Variants in C2CD2 observed in about 807,000 individuals in gnomAD.
The protein encoded by C2CD2 is C2 domain-containing protein 2.
In C2CD2, 43 loss-of-function variants were observed where a neutral mutation model predicts 74.3. The ratio of observed to expected loss-of-function variants is 0.58; its 90% confidence interval spans 0.45 to 0.75. The LOEUF is 0.75. C2CD2 is among the 30% of genes least tolerant of loss of function. C2CD2 has a pLI of 0.00. For synonymous variants in C2CD2, 422 were observed against 390.7 expected (o/e 1.08, Z -0.94); for missense variants, 801 against 916.3 (o/e 0.87, Z 1.63).
At chr21:41,931,459 T>C (rs894542532) in intron 2 of C2CD2, among the ~76,000 whole-genome samples, 1 of 144,618 alleles carries the variant, frequency 6.9e-6, no homozygotes, top group African/African-American at 2.5e-5. Flanking sequence ...AGTCTTGCTC[T>C]GTCGCCAGGC....
intron 10 of C2CD2, among the ~76,000 whole-genome samples, chr21:41,906,042 C>T (rs2064958859): frequency 6.6e-6 from 1 of 152,160 alleles, no homozygotes; most frequent in African/African-American, 2.4e-5. Flanking sequence ...AACATTTTAA[C>T]TAAGCCAGAA....
intron 11 of C2CD2, among the ~76,000 whole-genome samples, chr21:41,905,377 G>A (rs1286060787): frequency 6.7e-6 from 1 of 148,950 alleles, no homozygotes; most frequent in Non-Finnish European, 1.5e-5. Flanking sequence ...GAGTGCAGTG[G>A]TGCAATCTCG....
Position 41,953,699 on chromosome 21 carries a change from G to T in C2CD2, c.-51C>A. ...CAACTTCCCCGGCAGCCCCGGGCCG[G>T]AACGGCGGACTCAGGACACGCGCTG... On this transcript the variant is annotated 5_prime_UTR_variant, in exon 1 of 14. Transcript: ENST00000380486. 1 of 1,333,336 alleles carries T rather than the reference G, an allele frequency of 7.5e-7. No individual in the cohort carries two copies. The highest frequency in any genetic ancestry group is 1.9e-5 in the South Asian group (1 of 53,904). 82.6% of individuals were successfully genotyped at this position (1,333,336 alleles called of 1,614,324 possible).
At position 41,937,904 on chromosome 21, in the gene C2CD2, T is replaced by A. The variant is rs570952808; in HGVS notation, c.378+4243A>T. Among the ~76,000 whole-genome samples, 398 of 152,302 alleles carry A rather than the reference T, an allele frequency of 2.6e-3. 2 individuals are homozygous for A. The highest frequency in any genetic ancestry group is 0.013 in the South Asian group (61 of 4,824). The stretch of plus-strand genomic sequence containing the variant: ...ACTTACAAGTAGAATCTTAAAAAGT[T>A]AAACTCAAAGAAACCAAGAGCAGAA... On this transcript the variant is annotated intron_variant, in intron 2 of 13. Coordinates refer to ENST00000380486, the MANE Select transcript of C2CD2 (RefSeq NM_015500.2).
intron 12 of C2CD2, among the ~76,000 whole-genome samples, chr21:41,900,046 T>G (rs1467318080): frequency 6.6e-6 from 1 of 152,010 alleles, no homozygotes; most frequent in Admixed American, 6.5e-5. Flanking sequence ...CTGTTCTGAC[T>G]TAAGTGCCAG....
At chr21:41,896,973 G>A (rs898322668) in intron 13 of C2CD2, among the ~76,000 whole-genome samples, 1 of 152,212 alleles carries the variant, frequency 6.6e-6, no homozygotes, top group African/African-American at 2.4e-5. Flanking sequence ...GAAACGCACG[G>A]CACGGCTGAG....
intron 2 of C2CD2, among the ~76,000 whole-genome samples, chr21:41,927,099 T>C (rs905464125): frequency 1.2e-4 from 19 of 152,222 alleles, no homozygotes; most frequent in African/African-American, 4.3e-4. Flanking sequence ...AGCTAAAGAT[T>C]ATCCCAACAT....
chr21:41,895,608 G>GA lies in C2CD2; in HGVS notation c.1870+3444dup, dbSNP rs1443430618. Among the ~76,000 whole-genome samples, 2 of 152,136 alleles carry GA rather than the reference G, an allele frequency of 1.3e-5. No individual in the cohort carries two copies. Among genetic ancestry groups the GA allele is most frequent in the African/African-American group, 4.8e-5 (2 of 41,418 alleles). On this transcript the variant is annotated intron_variant, in intron 13 of 13. Transcript: ENST00000380486. This position sits in a 1 kb window ranked among gnomAD's most constrained non-coding sequence, Gnocchi z 5.0. Reference sequence around the variant, plus strand: ...TTTAAATGGGAGACAGGGAGAAGAAGAAAAGTCTTTCCCTGGTTCTAACAA... The same window carrying GA: ...TTTAAATGGGAGACAGGGAGAAGAAGAAAAAGTCTTTCCCTGGTTCTAACAA...
intron 3 of C2CD2, 88 bp from the exon 4 acceptor site, chr21:41,919,048 G>C (rs982112934): frequency 1.3e-6 from 1 of 757,060 alleles, no homozygotes; most frequent in Non-Finnish European, 2.2e-6. Flanking sequence ...GTGAGCATGT[G>C]TGTGTGCATA....
At chr21:41,919,642 T>G (rs796100747) in intron 3 of C2CD2, among the ~76,000 whole-genome samples, 3 of 152,290 alleles carry the variant, frequency 2.0e-5, no homozygotes, top group African/African-American at 7.2e-5. Flanking sequence ...TGCCCCACAC[T>G]CAAACAGCCC....
In C2CD2 at chr21:41,895,076, T is replaced by C. The variant is rs2064807022; in HGVS notation, c.1870+3977A>G. ...GGATAACAACTCCAGCCAGTGGACT[T>C]TAAGGAAAGGAGATTATCCTGGAGA... On this transcript the variant is annotated intron_variant, in intron 13 of 13. Transcript: ENST00000380486. The surrounding 1 kb of genome is among the most constrained non-coding windows in gnomAD (Gnocchi z 5.0). 2.4e-6 allele frequency: 1 copy of C among 409,194 alleles called. No homozygotes were observed. Among genetic ancestry groups the C allele is most frequent in the African/African-American group, 2.0e-5 (1 of 49,114 alleles). 25.3% of individuals were successfully genotyped at this position (409,194 alleles called of 1,614,324 possible).
chr21:41,924,230 G>T lies in C2CD2; in HGVS notation c.379-2145C>A, dbSNP rs375913748. ...TGTACTTTCTCATCTGCTGGCTCCTGGCCGCAGCCAAGCCCTGGGTCCAGC... is the reference window on the plus strand; with the variant it reads ...TGTACTTTCTCATCTGCTGGCTCCTTGCCGCAGCCAAGCCCTGGGTCCAGC... On this transcript the variant is annotated intron_variant, in intron 2 of 13. Transcript: ENST00000380486. The surrounding 1 kb of genome is among the most constrained non-coding windows in gnomAD (Gnocchi z 4.4). Among the ~76,000 whole-genome samples, 11 of 152,276 alleles carry T rather than the reference G, an allele frequency of 7.2e-5. No homozygotes were observed. The highest frequency in any genetic ancestry group is 2.6e-4 in the African/African-American group (11 of 41,562).
intron 1 of C2CD2, among the ~76,000 whole-genome samples, chr21:41,948,950 A>T (rs8128279): frequency 0.94 from 136,919 of 144,914 alleles, 65,417 homozygotes; most frequent in Non-Finnish European, 0.98. Flanking sequence ...ATTAGAACAT[A>T]CCTCTAAAGA....
At chr21:41,942,948 C>T in intron 1 of C2CD2, 1 of 984,792 alleles carries the variant, frequency 1.0e-6, no homozygotes. Context: ...GCATGTTCCC[C>T]CAGCATCCTT....
At position 41,885,536 on chromosome 21, in the gene C2CD2, G is replaced by A. The variant is rs530976591; in HGVS notation, c.*3588C>T. 2.6e-5 allele frequency: 4 copies of A among 152,840 alleles called. No individual in the cohort carries two copies. The highest frequency in any genetic ancestry group is 2.6e-4 in the Admixed American group (4 of 15,298). The allele number at this position is 152,840 out of a possible 1,614,324, so 9.5% of individuals were successfully genotyped here. A position where few individuals can be genotyped will look rare whatever the true frequency, so the allele number is the denominator to read the frequency against. On this transcript the variant is annotated 3_prime_UTR_variant, in exon 14 of 14. Coordinates refer to ENST00000380486, the MANE Select transcript of C2CD2 (RefSeq NM_015500.2). ...GCGGGGGCCTTGCCCTGTGCAGGCT[G>A]CTTTGGTCTTCGTGTCTAGGCCGGT...
chr21:41,907,161 A>C lies in C2CD2; in HGVS notation c.1149T>G (p.Ser383=). ...SVLGSVTAEF[S]YMEPGELKSW... Reference sequence around the variant, plus strand: ...ATTTCAATTCACCAGGTTCCATGTAAGAGAACTGCAGAGAAGACGCGTTAC... The same window carrying C: ...ATTTCAATTCACCAGGTTCCATGTACGAGAACTGCAGAGAAGACGCGTTAC... Residue 383 remains serine (S), a synonymous_variant, in exon 10 of 14, where the codon TCT becomes TCG. Coordinates refer to ENST00000380486, the MANE Select transcript of C2CD2 (RefSeq NM_015500.2). 1 of 1,613,940 alleles carries C rather than the reference A, an allele frequency of 6.2e-7. No homozygotes were observed. The highest frequency in any genetic ancestry group is 8.5e-7 in the Non-Finnish European group (1 of 1,179,784).
chr21:41,898,977 A>T, intron 13 of C2CD2, 76 bp downstream of exon 13: 1 of 1,098,772 alleles, frequency 9.1e-7, no homozygotes, highest in Non-Finnish European at 1.4e-6. Context: ...AAGGCAGATG[A>T]CTTCAGCTTG....
At chr21:41,935,197 CTCTTATGTGT>C (rs2065296805) in intron 2 of C2CD2, among the ~76,000 whole-genome samples, 1 of 152,174 alleles carries the variant, frequency 6.6e-6, no homozygotes, top group Admixed American at 6.5e-5. Flanking sequence ...CCAGCCTTGA[CTCTTATGTGT>C]TCATTCATTA....
chr21:41,894,647 G>A (rs779904658), intron 13 of C2CD2: 2 of 456,430 alleles, frequency 4.4e-6, no homozygotes, highest in South Asian at 3.1e-5. Flanking sequence ...GGGATTCCCA[G>A]AATGAGTTGC....
Sources: gnomAD v4.1 joint callset for allele counts (sites outside exome capture counted in the v4.1 genomes callset) on GRCh38, gnomAD v4.1.1 for gene constraint, Gnocchi (gnomAD v3.1) non-coding constraint, MANE v1.5 for transcripts, NCBI Gene and HGNC (gene_info 2026-07-23, HGNC 2026-07-21) for gene names.